LPIN2: variants seen among roughly 807,000 people sequenced by gnomAD.
LPIN2 encodes phosphatidate phosphatase LPIN2.
A neutral mutation model predicts 111.4 loss-of-function variants in LPIN2; 55 were observed. That is an observed-to-expected ratio of 0.49 (90% CI 0.40 to 0.62). LPIN2 has a LOEUF of 0.62. Ranked by LOEUF, LPIN2 falls within the 20% of genes least tolerant of loss-of-function variation. The pLI is 0.00. For missense variants in LPIN2, 992 were observed against 1,112.1 expected (o/e 0.89, Z 1.54); for synonymous variants, 425 against 414.0 (o/e 1.03, Z -0.32).
chr18:2,959,987 G>A lies in LPIN2; in HGVS notation c.192+662C>T, dbSNP rs376469982. The stretch of plus-strand genomic sequence containing the variant: ...AGTTCGAGACCAGCCTAGCCAACAA[G>A]GTGAAACCCCGTCTCTACTAAAAAT... On this transcript the variant is annotated intron_variant, in intron 2 of 19. Transcript: ENST00000677752. 5.1e-3 allele frequency among the ~76,000 whole-genome samples: 781 copies of A among 152,240 alleles called. 3 individuals are homozygous for A. Among genetic ancestry groups the A allele is most frequent in the Non-Finnish European group, 9.4e-3 (640 of 68,016 alleles).
intron 3 of LPIN2, among the ~76,000 whole-genome samples, chr18:2,953,418 A>C (rs574325822): frequency 6.6e-6 from 1 of 152,262 alleles, no homozygotes; most frequent in South Asian, 2.1e-4. Flanking sequence ...GTCTCTGATA[A>C]GGAAAAATGT....
Position 2,920,277 on chromosome 18 carries a change from CCACT to C in LPIN2, c.*12_*15del, listed in dbSNP as rs752690266. On this transcript the variant is annotated 3_prime_UTR_variant, in exon 20 of 20. Coordinates refer to ENST00000677752, the MANE Select transcript of LPIN2 (RefSeq NM_001375808.2). ...GGGAGGGGGACCAAGCCCTGCCCAC[CCACT>C]GAGGTGCCGCCTCAAGACAGGTCAT... The C allele has an allele frequency of 3.7e-6, 6 of 1,614,020 alleles. No homozygotes were observed. The East Asian group carries it at 1.1e-4, about 30-fold the overall frequency.
At chr18:2,970,427 G>A (rs769163944) in intron 1 of LPIN2, among the ~76,000 whole-genome samples, 1 of 152,254 alleles carries the variant, frequency 6.6e-6, no homozygotes, top group African/African-American at 2.4e-5. Flanking sequence ...TGGGAGGGCT[G>A]GGCTACCTGA....
chr18:2,934,358 G>C lies in LPIN2; in HGVS notation c.1261C>G (p.Pro421Ala). ...LEPEVAALYF[P>A]KSESEPGSRQ... ...AAATAAGGACCACTCTACCTTTTAG[G>C]GAAATAAAGAGCTGCAACTTCAGGT... The change falls in exon 8 of 20, where the codon CCT becomes GCT. Residue 421 changes from proline (P) to alanine (A), a missense_variant. Pro to Ala is a conservative substitution (Grantham distance 27). Transcript: ENST00000677752. 1 of 1,607,714 alleles carries C rather than the reference G, an allele frequency of 6.2e-7. No homozygotes were observed. Among genetic ancestry groups the C allele is most frequent in the Middle Eastern group, 1.7e-4 (1 of 6,046 alleles).
At chr18:3,000,259 T>G (rs2078415353) in intron 1 of LPIN2, among the ~76,000 whole-genome samples, 1 of 152,130 alleles carries the variant, frequency 6.6e-6, no homozygotes, top group African/African-American at 2.4e-5. Flanking sequence ...AATATCTGAC[T>G]TGTAGACTTT....
intron 2 of LPIN2, among the ~76,000 whole-genome samples, chr18:2,955,370 G>A (rs1466252360): frequency 6.6e-6 from 1 of 152,008 alleles, no homozygotes; most frequent in African/African-American, 2.4e-5. Flanking sequence ...CATAGTGAGA[G>A]CAGGTGCAAG....
At position 2,939,483 on chromosome 18, in the gene LPIN2, G is replaced by A. The variant is rs754006544; in HGVS notation, c.819C>T (p.Thr273=). ...ACAGGCAAGTAAACCCTAGTACCTT[G>A]GTGGACTCTGGGAATCCGCCCCACG... ...EWTWGGFPES[T]KVSKRERSDH... is the part of the protein sequence containing the mutation. The change falls in exon 6 of 20, where the codon ACC becomes ACT. Residue 273 remains threonine, a synonymous_variant. Transcript: ENST00000677752. 2 of 1,613,718 alleles carry A rather than the reference G, an allele frequency of 1.2e-6. No homozygotes were observed. The highest frequency in any genetic ancestry group is 4.5e-5 in the East Asian group (2 of 44,860).
chr18:2,941,247 C>T (rs2144212541), intron 4 of LPIN2, among the ~76,000 whole-genome samples: 1 of 152,292 alleles, frequency 6.6e-6, no homozygotes, highest in South Asian at 2.1e-4. Context: ...ATACCCTAAC[C>T]TCTTAAAACC....
chr18:2,988,078 A>AGTATAAAT (rs2078213690), intron 1 of LPIN2, among the ~76,000 whole-genome samples: 1 of 151,422 alleles, frequency 6.6e-6, no homozygotes, highest in Non-Finnish European at 1.5e-5. Context: ...GATGGGTAAC[A>AGTATAAAT]GTATAAATTA....
At chr18:2,931,490 G>A in intron 8 of LPIN2, 47 bp from the exon 9 acceptor site, 1 of 1,529,460 alleles carries the variant, frequency 6.5e-7, no homozygotes, top group Non-Finnish European at 8.8e-7. Flanking sequence ...ACAACTCCTT[G>A]AATTCCTAGT....
At chr18:2,973,440 A>G (rs1021013214) in intron 1 of LPIN2, among the ~76,000 whole-genome samples, 2 of 152,196 alleles carry the variant, frequency 1.3e-5, no homozygotes, top group Non-Finnish European at 2.9e-5. Flanking sequence ...AGAACCATAC[A>G]GTATGTACCT....
In LPIN2 at chr18:2,939,536, G is replaced by A. The variant is rs765149855; in HGVS notation, c.766C>T (p.Leu256Phe). Residue 256 changes from leucine to phenylalanine, a missense_variant, in exon 6 of 20, where the codon CTC (leucine) becomes TTC (phenylalanine). Leu to Phe is a conservative substitution (Grantham distance 22, BLOSUM62 0). This residue lies in a region of LPIN2 where 709 missense variants were observed against 753.2 expected (regional missense o/e 0.94). Coordinates refer to ENST00000677752, the MANE Select transcript of LPIN2 (RefSeq NM_001375808.2). ...CACTCCATGTGAGACTCTGATCTGA[G>A]CAGGCTCTCCGCAGGTTTCACCTCC... The part of the protein sequence containing the change: ...ELEVKPAESL[L>F]RSESHMEWTW... 6 of 1,614,068 alleles carry A rather than the reference G, an allele frequency of 3.7e-6. No homozygotes were observed. The highest frequency in any genetic ancestry group is 1.1e-5 in the South Asian group (1 of 91,082).
chr18:2,993,886 CAT>C (rs1446051507), intron 1 of LPIN2, among the ~76,000 whole-genome samples: 1 of 152,176 alleles, frequency 6.6e-6, no homozygotes, highest in Non-Finnish European at 1.5e-5. Context: ...CCGACACAAC[CAT>C]ACACAGATTT....
intron 1 of LPIN2, among the ~76,000 whole-genome samples, chr18:2,993,415 C>A (rs898705098): frequency 1.6e-4 from 24 of 152,304 alleles, no homozygotes; most frequent in Admixed American, 7.2e-4. Flanking sequence ...CACTGAATAT[C>A]ATTAACCCTC....
chr18:2,926,146 A>C (rs950595436), intron 13 of LPIN2, among the ~76,000 whole-genome samples: 2 of 152,100 alleles, frequency 1.3e-5, no homozygotes, highest in Non-Finnish European at 2.9e-5. Flanking sequence ...TAGTAAGAAA[A>C]ATTTTAGACA....
chr18:2,947,789 C>T (rs928791681), intron 4 of LPIN2, among the ~76,000 whole-genome samples: 9 of 152,272 alleles, frequency 5.9e-5, no homozygotes, highest in Admixed American at 5.2e-4. Context: ...AATTCCTAGT[C>T]CTCACAACTG....
chr18:3,005,220 G>T (rs1237405100), intron 1 of LPIN2, among the ~76,000 whole-genome samples: 1 of 152,060 alleles, frequency 6.6e-6, no homozygotes, highest in Non-Finnish European at 1.5e-5. Context: ...TTTGGTGGCA[G>T]GTGCCTGTAA....
Position 2,922,074 on chromosome 18 carries a change from G to T in LPIN2, c.2300C>A (p.Pro767His), listed in dbSNP as rs748582798. The change falls in exon 17 of 20, where the codon CCC becomes CAC. Residue 767 changes from proline to histidine, a missense_variant. By Grantham distance (77) the Pro-to-His change is moderately conservative. Transcript: ENST00000677752. ...ILPRGPLMLS[P>H]SSLFSAFHRE... ...GTGGAAGGCGGAGAACAAGCTGCTG[G>T]GGGACAGCATCAGGGGGCCCCGGGG... 1 of 1,613,786 alleles carries T rather than the reference G, an allele frequency of 6.2e-7. No individual in the cohort carries two copies. The highest frequency in any genetic ancestry group is 8.5e-7 in the Non-Finnish European group (1 of 1,179,914).
intron 1 of LPIN2, among the ~76,000 whole-genome samples, chr18:2,961,981 T>C (rs1363277291): frequency 1.3e-5 from 2 of 152,240 alleles, no homozygotes; most frequent in African/African-American, 2.4e-5. Context: ...TAAAGGTCCA[T>C]GCTCTGAAAA....
Sources: gnomAD v4.1 joint callset for allele counts (sites outside exome capture counted in the v4.1 genomes callset) on GRCh38, gnomAD v4.1.1 for gene constraint, gnomAD v4.1.1 regional missense constraint, MANE v1.5 for transcripts, NCBI Gene and HGNC (gene_info 2026-07-23, HGNC 2026-07-21) for gene names.